Variants in MARCHF1 observed in about 807,000 individuals in gnomAD.
The protein encoded by MARCHF1 is E3 ubiquitin-protein ligase MARCHF1.
In MARCHF1, 40 loss-of-function variants were observed where a neutral mutation model predicts 54.2. That is an observed-to-expected ratio of 0.74 (90% CI 0.57 to 0.96). The LOEUF (loss-of-function observed/expected upper bound fraction) is 0.96. Ranked by LOEUF, MARCHF1 falls within the 40% of genes least tolerant of loss-of-function variation. The probability of loss-of-function intolerance (pLI) is 0.00; values close to 1 mark genes in which losing one functional copy is unlikely to be tolerated. For synonymous variants in MARCHF1, 236 were observed against 236.3 expected (o/e 1.00, Z 0.01); for missense variants, 586 against 656.5 (o/e 0.89, Z 1.17).
chr4:163,565,659 T>C (rs1739621725), intron 8 of MARCHF1, among the ~76,000 whole-genome samples: 1 of 151,982 alleles, frequency 6.6e-6, no homozygotes, highest in Non-Finnish European at 1.5e-5. Flanking sequence ...GTAAAGTGGG[T>C]TTCACTCAAA....
intron 1 of MARCHF1, among the ~76,000 whole-genome samples, chr4:164,321,043 G>A (rs1486865185): frequency 6.6e-6 from 1 of 152,180 alleles, no homozygotes; most frequent in Non-Finnish European, 1.5e-5. Flanking sequence ...TCTGATACAT[G>A]TGACACAACG....
chr4:164,104,169 C>T (rs1352085852), intron 2 of MARCHF1, among the ~76,000 whole-genome samples: 31 of 139,844 alleles, frequency 2.2e-4, no homozygotes, highest in Admixed American at 1.2e-3. Context: ...GATTCACAGC[C>T]GAATTCTACC....
intron 5 of MARCHF1, among the ~76,000 whole-genome samples, chr4:163,698,066 T>A (rs565244414): frequency 1.3e-5 from 2 of 152,330 alleles, no homozygotes; most frequent in African/African-American, 4.8e-5. Context: ...AGGTAGATAC[T>A]AATATATATG....
chr4:163,841,805 T>C (rs571229733), intron 4 of MARCHF1, among the ~76,000 whole-genome samples: 1 of 152,254 alleles, frequency 6.6e-6, no homozygotes, highest in East Asian at 1.9e-4. Flanking sequence ...AGCTATTTCA[T>C]TTTTTATCTT....
At chr4:164,197,818 G>A (rs1173517610) in intron 1 of MARCHF1, 2 of 1,545,440 alleles carry the variant, frequency 1.3e-6, no homozygotes, top group Middle Eastern at 1.8e-4. Flanking sequence ...AACCAGCTCC[G>A]CTCGGTTCTC....
intron 3 of MARCHF1, among the ~76,000 whole-genome samples, chr4:163,856,968 G>A (rs1054556998): frequency 5.3e-5 from 8 of 151,608 alleles, no homozygotes; most frequent in African/African-American, 1.9e-4. Flanking sequence ...TGAGCTGATG[G>A]CGCCACTGCA....
At chr4:164,226,254 AAAAT>A (rs1174342971) in intron 1 of MARCHF1, among the ~76,000 whole-genome samples, 1 of 152,138 alleles carries the variant, frequency 6.6e-6, no homozygotes, top group African/African-American at 2.4e-5. Flanking sequence ...AATGAAGCAG[AAAAT>A]AAATAAATGT....
chr4:163,706,007 C>G (rs2111243130), intron 4 of MARCHF1, among the ~76,000 whole-genome samples: 2 of 152,144 alleles, frequency 1.3e-5, no homozygotes, highest in African/African-American at 4.8e-5. Context: ...GCAGAGTCTA[C>G]TAGGTTTCCT....
At chr4:163,953,796 G>A (rs529345453) in intron 3 of MARCHF1, among the ~76,000 whole-genome samples, 3 of 152,260 alleles carry the variant, frequency 2.0e-5, no homozygotes, top group East Asian at 3.9e-4. Context: ...CAGTGCTCAT[G>A]TAGTTTTATT....
At chr4:164,294,075 A>G (rs896960920) in intron 1 of MARCHF1, among the ~76,000 whole-genome samples, 8 of 152,162 alleles carry the variant, frequency 5.3e-5, no homozygotes, top group African/African-American at 7.2e-5. Context: ...CCTACACTGT[A>G]TACTTCCTAC....
intron 1 of MARCHF1, among the ~76,000 whole-genome samples, chr4:164,368,506 T>C (rs770641841): frequency 2.0e-5 from 3 of 152,096 alleles, no homozygotes; most frequent in Non-Finnish European, 4.4e-5. Context: ...AAATTCACTT[T>C]TATGGCTAAT....
At chr4:163,804,359 A>G (rs1481595549) in intron 4 of MARCHF1, among the ~76,000 whole-genome samples, 3 of 152,182 alleles carry the variant, frequency 2.0e-5, no homozygotes, top group Non-Finnish European at 4.4e-5. Flanking sequence ...TTAATATCAT[A>G]TGGGAACTTC....
At chr4:163,830,741 C>A (rs1361052869) in intron 4 of MARCHF1, among the ~76,000 whole-genome samples, 2 of 151,832 alleles carry the variant, frequency 1.3e-5, no homozygotes, top group East Asian at 3.9e-4. Context: ...AGTGACACCC[C>A]AGTCTCTAAA....
intron 1 of MARCHF1, among the ~76,000 whole-genome samples, chr4:164,318,838 GAATTT>G (rs1195452444): frequency 6.6e-6 from 1 of 152,120 alleles, no homozygotes; most frequent in Non-Finnish European, 1.5e-5. Flanking sequence ...TAAAAAAATT[GAATTT>G]AATATGAGAA....
rs1208855244 is a variant in MARCHF1 at position 163,527,856 on chromosome 4, G to GAAAT, written c.*888_*891dup. 1.8e-4 allele frequency: 28 copies of GAAAT among 151,852 alleles called. No individual in the cohort carries two copies. Among genetic ancestry groups the GAAAT allele is most frequent in the Non-Finnish European group, 2.8e-4 (19 of 67,834 alleles). The allele number at this position is 151,852 out of a possible 1,614,324, so 9.4% of individuals were successfully genotyped here. ...CAATTTTTTATATTGATGACATGTT[G>GAAAT]AAATAACATATAGTGTTTTTAAAAA... On this transcript the variant is annotated 3_prime_UTR_variant, in exon 10 of 10. Transcript: ENST00000514618.
chr4:163,793,092 T>TA (rs1426867529), intron 4 of MARCHF1, among the ~76,000 whole-genome samples: 1 of 152,328 alleles, frequency 6.6e-6, no homozygotes, highest in African/African-American at 2.4e-5. Flanking sequence ...TTTCTCTCCC[T>TA]ATCTATACAC....
At chr4:163,775,357 T>C (rs1747276091) in intron 4 of MARCHF1, among the ~76,000 whole-genome samples, 1 of 152,220 alleles carries the variant, frequency 6.6e-6, no homozygotes, top group Non-Finnish European at 1.5e-5. Context: ...ATTTCTTTAC[T>C]TGTTTGTCAT....
chr4:163,834,044 T>C (rs1749107413), intron 4 of MARCHF1, among the ~76,000 whole-genome samples: 1 of 152,214 alleles, frequency 6.6e-6, no homozygotes, highest in Non-Finnish European at 1.5e-5. Flanking sequence ...TGTCTTGTTA[T>C]ATTTAAAAAA....
chr4:163,873,022 C>A (rs975786345), intron 3 of MARCHF1, among the ~76,000 whole-genome samples: 1 of 150,760 alleles, frequency 6.6e-6, no homozygotes, highest in Non-Finnish European at 1.5e-5. Context: ...CCAGCCTGGG[C>A]GACAGAGCGA....
Sources: allele counts gnomAD v4.1 joint callset (sites outside exome capture counted in the v4.1 genomes callset), GRCh38; gene constraint gnomAD v4.1.1; transcripts MANE v1.5; gene names NCBI Gene and HGNC (gene_info 2026-07-23, HGNC 2026-07-21).